Variants in GDAP1 observed in about 807,000 individuals in gnomAD.
GDAP1 encodes the protein ganglioside induced differentiation associated protein 1, also known as ganglioside-induced differentiation-associated protein 1.
In GDAP1, 34 loss-of-function variants were observed where a neutral mutation model predicts 40.1. The ratio of observed to expected loss-of-function variants is 0.85; its 90% CI spans 0.64 to 1.13. The LOEUF is 1.13. Among genes scored for constraint, GDAP1 ranks in the 50% most tolerant of loss-of-function variants. The probability of loss-of-function intolerance (pLI) is 0.00; values close to 1 mark genes in which losing one functional copy is unlikely to be tolerated. For synonymous variants in GDAP1, 170 were observed against 157.4 expected, an observed-to-expected ratio of 1.08 and a Z score of -0.60; for missense variants, 374 against 433.7, an observed-to-expected ratio of 0.86 and a Z score of 1.22.
chr8:74,429,314 A>C (rs1042908322), intron 2 of GDAP1, among the ~76,000 whole-genome samples: 3 of 152,034 alleles, frequency 2.0e-5, no homozygotes, highest in Non-Finnish European at 4.4e-5. Context: ...AAATATATAT[A>C]TAATAAAAAA....
At chr8:74,389,772 T>C (rs1359600061) in intron 2 of GDAP1, among the ~76,000 whole-genome samples, 1 of 152,232 alleles carries the variant, frequency 6.6e-6, no homozygotes, top group African/African-American at 2.4e-5. Flanking sequence ...AAGTGTGTTT[T>C]CCAACTTGGT....
chr8:74,395,109 A>T (rs572295924), intron 2 of GDAP1, among the ~76,000 whole-genome samples: 1 of 152,342 alleles, frequency 6.6e-6, no homozygotes, highest in East Asian at 1.9e-4. Flanking sequence ...TGATGCCCAA[A>T]CAATGAATGT....
chr8:74,410,755 G>T (rs146492094), intron 2 of GDAP1, among the ~76,000 whole-genome samples: 3 of 150,432 alleles, frequency 2.0e-5, no homozygotes, highest in African/African-American at 5.0e-5. Flanking sequence ...CAGTGGTCAG[G>T]ATCTGCTCAG....
chr8:74,356,638 CTTAA>C (rs1043663021), intron 2 of GDAP1, among the ~76,000 whole-genome samples: 5 of 138,752 alleles, frequency 3.6e-5, no homozygotes, highest in East Asian at 2.2e-4. Flanking sequence ...CAGGTCATAA[CTTAA>C]TTGTTTAATA....
intron 2 of GDAP1, among the ~76,000 whole-genome samples, chr8:74,428,469 G>GTT (rs561655756): frequency 2.1e-5 from 3 of 140,658 alleles, no homozygotes; most frequent in Admixed American, 7.2e-5. Flanking sequence ...TGATTGTTTT[G>GTT]TTTTTTTTTT....
rs117846271 is a variant in GDAP1 at position 74,463,341 on chromosome 8, C to G, written c.166-25337C>G. ...GATGTGGTATTGTGCACTTGTGGTC[C>G]CAGCTACTCAGAAGGGTGATATATG... is the stretch of plus-strand genomic sequence containing the variant. On this transcript the variant is annotated intron_variant, in intron 2 of 2. Coordinates refer to the GDAP1 transcript ENST00000523640. 3.5e-4 allele frequency among the ~76,000 whole-genome samples: 53 copies of G among 149,394 alleles called. 2 individuals are homozygous for G. The East Asian group carries it at 0.01, about 29-fold the overall frequency.
chr8:74,484,956 C>T (rs1296639010), intron 2 of GDAP1, among the ~76,000 whole-genome samples: 1 of 152,070 alleles, frequency 6.6e-6, no homozygotes, highest in African/African-American at 2.4e-5. Flanking sequence ...CCCAAAGTCT[C>T]TTTTCAGCCA....
intron 2 of GDAP1, among the ~76,000 whole-genome samples, chr8:74,463,564 C>T (rs1806430574): frequency 6.6e-6 from 1 of 152,020 alleles, no homozygotes; most frequent in African/African-American, 2.4e-5. Context: ...GTGCATTCTG[C>T]TATGGAAAGT....
intron 2 of GDAP1, among the ~76,000 whole-genome samples, chr8:74,385,090 C>A (rs181208651): frequency 6.6e-5 from 10 of 152,254 alleles, no homozygotes; most frequent in African/African-American, 2.4e-4. Context: ...TTTTAAAGAT[C>A]ATGGTACATC....
rs1030335955 is a variant in GDAP1, at chr8:74,441,963, G to A, written c.166-46715G>A. ...TTGATTTATCAGACTGAAATATGAA[G>A]TGGTAAAAGTATACTTCTCTATTAA... is the stretch of plus-strand genomic sequence containing the variant. On this transcript the variant is annotated intron_variant, in intron 2 of 2. Coordinates refer to the GDAP1 transcript ENST00000523640. 3.9e-5 allele frequency among the ~76,000 whole-genome samples: 6 copies of A among 152,256 alleles called. No individual in the cohort carries two copies. In the East Asian group the frequency reaches 1.2e-3, roughly 29 times the overall value.
intron 2 of GDAP1, among the ~76,000 whole-genome samples, chr8:74,433,784 A>T (rs1355208394): frequency 2.6e-5 from 4 of 152,152 alleles, no homozygotes; most frequent in Non-Finnish European, 5.9e-5. Context: ...ACTAGCCCAG[A>T]CCTTCAGGAG....
At chr8:74,362,157 A>G (rs964744192) in intron 4 of GDAP1, among the ~76,000 whole-genome samples, 179 bp downstream of exon 4, 4 of 152,164 alleles carry the variant, frequency 2.6e-5, no homozygotes, top group African/African-American at 9.7e-5. Flanking sequence ...TTGATATTGA[A>G]ACTTGATGAC....
intron 2 of GDAP1, among the ~76,000 whole-genome samples, chr8:74,470,531 G>A (rs1446766075): frequency 1.3e-5 from 2 of 151,990 alleles, no homozygotes; most frequent in East Asian, 3.9e-4. Context: ...GCGATAGTTT[G>A]CTGAGAATGA....
At chr8:74,426,375 T>G (rs1805948058) in intron 2 of GDAP1, among the ~76,000 whole-genome samples, 1 of 152,240 alleles carries the variant, frequency 6.6e-6, no homozygotes, top group Non-Finnish European at 1.5e-5. Context: ...TATTTTGGAT[T>G]TTATTTGATT....
intron 2 of GDAP1, among the ~76,000 whole-genome samples, chr8:74,358,616 G>C (rs1450126579): frequency 6.6e-6 from 1 of 152,180 alleles, no homozygotes; most frequent in Non-Finnish European, 1.5e-5. Context: ...GTAGCCTCTG[G>C]AAACTTCTAC....
chr8:74,390,707 C>T (rs768734561), intron 2 of GDAP1, among the ~76,000 whole-genome samples: 3 of 152,198 alleles, frequency 2.0e-5, no homozygotes, highest in Admixed American at 1.3e-4. Context: ...AGAGCTTGAG[C>T]GCTGTCCTAG....
At chr8:74,376,684 A>G (rs2131534366) in intron 2 of GDAP1, 1 of 152,328 alleles carries the variant, frequency 6.6e-6, no homozygotes, top group African/African-American at 2.4e-5. Context: ...AAGACTTACA[A>G]TAGGCTGGCT....
chr8:74,388,008 A>G (rs1372917191), intron 2 of GDAP1, among the ~76,000 whole-genome samples: 1 of 152,048 alleles, frequency 6.6e-6, no homozygotes, highest in Non-Finnish European at 1.5e-5. Context: ...TTTCTGTGGG[A>G]TCAGTGGTGA....
Position 74,366,307 on chromosome 8 carries a change from A to C in GDAP1, c.*1940A>C, listed in dbSNP as rs770960210. ...CTAGATGTCGCTGTTTATCCAGTAG[A>C]CTAAGATTGAGTGTTCTTTTTGTTC... On this transcript the variant is annotated 3_prime_UTR_variant, in exon 6 of 6. Transcript: ENST00000220822. 3 of 454,492 alleles carry C rather than the reference A, an allele frequency of 6.6e-6. No homozygotes were observed. Among genetic ancestry groups the C allele is most frequent in the South Asian group, 1.6e-5 (1 of 64,468 alleles). The allele number at this position is 454,492 out of a possible 1,614,324, so 28.2% of individuals were successfully genotyped here.
Sources: allele counts gnomAD v4.1 joint callset (sites outside exome capture counted in the v4.1 genomes callset), GRCh38; gene constraint gnomAD v4.1.1; transcripts MANE v1.5; gene names NCBI Gene and HGNC (gene_info 2026-07-23, HGNC 2026-07-21).